Variants in ASIC2 observed in about 807,000 individuals in gnomAD.
The protein encoded by ASIC2 is acid sensing ion channel subunit 2, also known as acid-sensing ion channel 2.
A neutral mutation model predicts 57.3 loss-of-function variants in ASIC2; 25 were observed. That is an observed-to-expected ratio of 0.44 (90% confidence interval 0.32 to 0.61). The LOEUF (loss-of-function observed/expected upper bound fraction) is 0.61, where lower values mean the gene tolerates loss of function less well. ASIC2 is among the 20% of genes least tolerant of loss of function. ASIC2 has a pLI of 0.06. For synonymous variants in ASIC2, 319 were observed against 307.5 expected (o/e 1.04, Z -0.39); for missense variants, 641 against 738.1 (o/e 0.87, Z 1.52).
chr17:33,876,506 C>T (rs1597912320), intron 1 of ASIC2, among the ~76,000 whole-genome samples: 1 of 152,194 alleles, frequency 6.6e-6, no homozygotes, highest in Admixed American at 6.5e-5. Context: ...TTTCTACTAA[C>T]CATTTACCAG....
intron 1 of ASIC2, among the ~76,000 whole-genome samples, chr17:33,776,132 CAAAAAA>C (rs35541526): frequency 9.4e-5 from 12 of 127,486 alleles, no homozygotes; most frequent in Non-Finnish European, 9.8e-5. Flanking sequence ...GACTCTGTCT[CAAAAAA>C]AAAAAAAAAA....
At chr17:34,029,511 T>C (rs962404345) in intron 1 of ASIC2, among the ~76,000 whole-genome samples, 1 of 152,198 alleles carries the variant, frequency 6.6e-6, no homozygotes, top group Non-Finnish European at 1.5e-5. Flanking sequence ...GACTGAATTC[T>C]ACTCTCCCAA....
At chr17:33,141,880 C>A (rs1441733056) in intron 1 of ASIC2, among the ~76,000 whole-genome samples, 1 of 152,188 alleles carries the variant, frequency 6.6e-6, no homozygotes, top group Non-Finnish European at 1.5e-5. Context: ...CTTAAAAACA[C>A]CATCTGTAAC....
At chr17:34,075,592 CA>C (rs1177709397) in intron 1 of ASIC2, among the ~76,000 whole-genome samples, 1 of 152,126 alleles carries the variant, frequency 6.6e-6, no homozygotes, top group East Asian at 1.9e-4. Context: ...TGACTCCCTG[CA>C]GTACATATGG....
chr17:34,056,060 A>ACGGTCAGGGGACCG (rs1427784323), intron 1 of ASIC2, among the ~76,000 whole-genome samples: 106 of 152,336 alleles, frequency 7.0e-4, no homozygotes, highest in African/African-American at 2.4e-3. Flanking sequence ...TTTGAAATAT[A>ACGGTCAGGGGACCG]TATTGATAAA....
intron 1 of ASIC2, among the ~76,000 whole-genome samples, chr17:34,140,961 G>A (rs541290264): frequency 6.6e-6 from 1 of 152,268 alleles, no homozygotes; most frequent in East Asian, 1.9e-4. Flanking sequence ...CTCCCCAGAA[G>A]AGACACCTTC....
At chr17:33,205,778 G>A (rs140297109) in intron 1 of ASIC2, among the ~76,000 whole-genome samples, 3 of 152,262 alleles carry the variant, frequency 2.0e-5, no homozygotes, top group East Asian at 1.9e-4. Context: ...CCGGCATGCC[G>A]CAGGGCTGGG....
At chr17:34,079,407 C>T (rs1192036691) in intron 1 of ASIC2, among the ~76,000 whole-genome samples, 2 of 152,222 alleles carry the variant, frequency 1.3e-5, no homozygotes, top group African/African-American at 2.4e-5. Flanking sequence ...CTTCAGACTC[C>T]TCCTCACCTT....
chr17:33,404,944 A>C (rs1346036511), intron 1 of ASIC2, among the ~76,000 whole-genome samples: 1 of 152,132 alleles, frequency 6.6e-6, no homozygotes, highest in Non-Finnish European at 1.5e-5. Context: ...TGTCCTAAAA[A>C]ACTTGAATGA....
intron 1 of ASIC2, among the ~76,000 whole-genome samples, chr17:33,116,226 G>C (rs924347605): frequency 1.3e-5 from 2 of 152,190 alleles, no homozygotes; most frequent in Non-Finnish European, 2.9e-5. Context: ...CTCCTGCCTG[G>C]CTTTTTTCAG....
At chr17:33,903,819 A>G (rs1244748466) in intron 1 of ASIC2, among the ~76,000 whole-genome samples, 4 of 152,174 alleles carry the variant, frequency 2.6e-5, no homozygotes, top group Non-Finnish European at 5.9e-5. Flanking sequence ...CTCTTGCCCA[A>G]GGTTATTTCT....
chr17:34,146,973 G>T (rs1912438223), intron 1 of ASIC2: 1 of 152,164 alleles, frequency 6.6e-6, no homozygotes, highest in African/African-American at 2.4e-5. Flanking sequence ...TCCTGCTGCA[G>T]CCTCTCAGTG....
chr17:33,613,521 C>G (rs757765420), intron 1 of ASIC2, among the ~76,000 whole-genome samples: 1 of 151,598 alleles, frequency 6.6e-6, no homozygotes, highest in Non-Finnish European at 1.5e-5. Flanking sequence ...CCCGCCACCA[C>G]GCCCAGCTAA....
At chr17:33,160,804 A>T (rs1047109392) in intron 1 of ASIC2, among the ~76,000 whole-genome samples, 5 of 152,148 alleles carry the variant, frequency 3.3e-5, no homozygotes, top group Non-Finnish European at 5.9e-5. Flanking sequence ...AGTGCTGTTC[A>T]TGGCGGGGGG....
intron 1 of ASIC2, among the ~76,000 whole-genome samples, chr17:33,199,957 C>A (rs1395277210): frequency 6.6e-6 from 1 of 152,168 alleles, no homozygotes; most frequent in East Asian, 1.9e-4. Context: ...TGGAGCCTCA[C>A]CGTGCCCCCT....
chr17:33,451,293 T>A (rs1276712643), intron 1 of ASIC2, among the ~76,000 whole-genome samples: 2 of 152,170 alleles, frequency 1.3e-5, no homozygotes, highest in Middle Eastern at 3.2e-3. Context: ...TGACCTCAAA[T>A]GATCTGCCTG....
intron 1 of ASIC2, among the ~76,000 whole-genome samples, chr17:33,973,359 G>T (rs1357261600): frequency 6.6e-6 from 1 of 152,212 alleles, no homozygotes; most frequent in Non-Finnish European, 1.5e-5. Context: ...TCAGGTGCAG[G>T]CGGAGGCAAG....
At chr17:33,126,111 G>C (rs950945560) in intron 1 of ASIC2, among the ~76,000 whole-genome samples, 14 of 152,218 alleles carry the variant, frequency 9.2e-5, no homozygotes, top group African/African-American at 3.4e-4. Flanking sequence ...TTGCAAAATA[G>C]ACACTATTGT....
intron 3 of ASIC2, among the ~76,000 whole-genome samples, chr17:33,074,204 T>C (rs1019255072): frequency 6.6e-6 from 1 of 152,222 alleles, no homozygotes; most frequent in Admixed American, 6.5e-5. Context: ...GGAGGTGCTA[T>C]GGGTTATGTT....
Sources: allele counts gnomAD v4.1 joint callset (sites outside exome capture counted in the v4.1 genomes callset), GRCh38; gene constraint gnomAD v4.1.1; transcripts MANE v1.5; gene names NCBI Gene and HGNC (gene_info 2026-07-23, HGNC 2026-07-21).